Variants in KSR2 observed in about 807,000 individuals in gnomAD.
The protein encoded by KSR2 is kinase suppressor of ras 2.
Under a neutral mutation model 107.8 loss-of-function variants are expected in KSR2, and 25 were observed. The ratio of observed to expected loss-of-function variants is 0.23; its 90% CI spans 0.17 to 0.32. KSR2 has a LOEUF of 0.32. KSR2 is among the 10% of genes least tolerant of loss of function. The pLI, the probability that KSR2 is intolerant of heterozygous loss-of-function variation, is 1.00. For synonymous variants in KSR2, 480 were observed against 507.0 expected (o/e 0.95, Z 0.71); for missense variants, 887 against 1,268.9 (o/e 0.70, Z 4.57).
At chr12:117,570,901 TG>T (rs1374365557) in intron 7 of KSR2, among the ~76,000 whole-genome samples, 1 of 152,198 alleles carries the variant, frequency 6.6e-6, no homozygotes, top group African/African-American at 2.4e-5. Context: ...AGTTGAGTTT[TG>T]TAGAAGCAGA....
intron 5 of KSR2, among the ~76,000 whole-genome samples, chr12:117,630,962 A>G (rs1882778923): frequency 6.6e-6 from 1 of 152,152 alleles, no homozygotes; most frequent in Admixed American, 6.5e-5. Flanking sequence ...GAGCTCTGTG[A>G]GAAGTAAAAA....
chr12:117,801,571 G>C (rs1370872672), intron 3 of KSR2, among the ~76,000 whole-genome samples: 1 of 152,164 alleles, frequency 6.6e-6, no homozygotes, highest in Non-Finnish European at 1.5e-5. Context: ...GGCAAAGAGA[G>C]AGCCAGCACT....
intron 5 of KSR2, among the ~76,000 whole-genome samples, chr12:117,600,168 A>G (rs1200251529): frequency 6.6e-6 from 1 of 152,210 alleles, no homozygotes; most frequent in Non-Finnish European, 1.5e-5. Flanking sequence ...AAAGGAACTC[A>G]GGGCCAGTGC....
intron 1 of KSR2, among the ~76,000 whole-genome samples, chr12:117,915,733 A>AT (rs1895152516): frequency 6.6e-6 from 1 of 152,148 alleles, no homozygotes; most frequent in Admixed American, 6.6e-5. Flanking sequence ...CCTGATTCAG[A>AT]TATCACCTCC....
chr12:117,532,684 A>G (rs961789384), intron 10 of KSR2, among the ~76,000 whole-genome samples: 1 of 152,028 alleles, frequency 6.6e-6, no homozygotes, highest in Non-Finnish European at 1.5e-5. Context: ...TTTTACTTCT[A>G]ATCTACTCGC....
chr12:117,968,332 C>T lies in KSR2; in HGVS notation c.-77G>A, dbSNP rs141240210. The T allele has an allele frequency of 2.2e-4, 306 of 1,419,932 alleles. 3 individuals are homozygous for T. In the East Asian group the frequency reaches 6.9e-3, roughly 32 times the overall value. The allele number at this position is 1,419,932 out of a possible 1,614,324, so 88.0% of individuals were successfully genotyped here. A position where few individuals can be genotyped will look rare whatever the true frequency, so the allele number is the denominator to read the frequency against. On this transcript the variant is annotated 5_prime_UTR_variant, in exon 1 of 20. Coordinates refer to ENST00000339824, the MANE Select transcript of KSR2 (RefSeq NM_173598.6). ...AGGGGGGGGAGTAGAGGTAGTCTAC[C>T]CTCCGCCTCTCCAACCACTGCGACT...
Position 117,761,538 on chromosome 12 carries a change from G to C in KSR2, c.473-14C>G, listed in dbSNP as rs1889023593. ...AAAGGTTGCCTCCTGAGTTGGAACAGAAGAGCAGAGACAATGGGTAAGCCA... is the reference window on the plus strand; with the variant it reads ...AAAGGTTGCCTCCTGAGTTGGAACACAAGAGCAGAGACAATGGGTAAGCCA... On this transcript the variant is annotated splice_polypyrimidine_tract_variant and intron_variant, in intron 3 of 19. Coordinates refer to ENST00000339824, the MANE Select transcript of KSR2 (RefSeq NM_173598.6). 1.9e-6 allele frequency: 3 copies of C among 1,612,778 alleles called. No homozygotes were observed. The highest frequency in any genetic ancestry group is 2.7e-5 in the African/African-American group (2 of 74,870).
chr12:117,693,167 C>T (rs1885902747), intron 4 of KSR2, among the ~76,000 whole-genome samples: 2 of 152,130 alleles, frequency 1.3e-5, no homozygotes, highest in South Asian at 4.1e-4. Flanking sequence ...GTCTTTACCA[C>T]CAACCCACCA....
chr12:117,534,357 C>G (rs1875882233), intron 10 of KSR2, among the ~76,000 whole-genome samples: 1 of 152,124 alleles, frequency 6.6e-6, no homozygotes, highest in South Asian at 2.1e-4. Context: ...GGCACTTGGG[C>G]CCCTTCTTGT....
intron 1 of KSR2, among the ~76,000 whole-genome samples, chr12:117,945,325 A>T (rs1896146980): frequency 6.6e-6 from 1 of 152,220 alleles, no homozygotes; most frequent in African/African-American, 2.4e-5. Context: ...TTAAAAAAGA[A>T]ATATTAAACA....
intron 9 of KSR2, among the ~76,000 whole-genome samples, chr12:117,546,904 G>T (rs185558233): frequency 2.4e-3 from 363 of 152,234 alleles, no homozygotes; most frequent in African/African-American, 8.2e-3. Context: ...TCTCAAGAAC[G>T]TTCATAATTG....
rs1248316680 is a variant in KSR2, at chr12:117,455,449, A to G, written c.*11750T>C. 6.6e-6 allele frequency: 1 copy of G among 152,094 alleles called. No homozygotes were observed. Among genetic ancestry groups the G allele is most frequent in the East Asian group, 1.9e-4 (1 of 5,196 alleles). 9.4% of individuals were successfully genotyped at this position (152,094 alleles called of 1,614,324 possible). A position where few individuals can be genotyped will look rare whatever the true frequency, so the allele number is the denominator to read the frequency against. ...CCTACCATTCTACTCAAATTTCAAG[A>G]CAGGGTTCAGAAGTCTCCTCCTCTG... On this transcript the variant is annotated 3_prime_UTR_variant, in exon 20 of 20. Coordinates refer to ENST00000339824, the MANE Select transcript of KSR2 (RefSeq NM_173598.6).
intron 5 of KSR2, among the ~76,000 whole-genome samples, chr12:117,584,655 A>T (rs941515685): frequency 1.2e-4 from 19 of 152,184 alleles, no homozygotes. Context: ...ACCACATCTC[A>T]TCTTTCCATC....
intron 5 of KSR2, among the ~76,000 whole-genome samples, chr12:117,655,795 C>T (rs1208456674): frequency 1.3e-5 from 2 of 152,172 alleles, no homozygotes; most frequent in South Asian, 2.1e-4. Flanking sequence ...ATGACCCAGA[C>T]TATCAAGATG....
At chr12:117,647,926 C>T (rs563160396) in intron 5 of KSR2, among the ~76,000 whole-genome samples, 35 of 152,138 alleles carry the variant, frequency 2.3e-4, no homozygotes, top group African/African-American at 8.2e-4. Flanking sequence ...CCAGGCTGTT[C>T]TCAAATACCT....
chr12:117,739,892 T>TGG (rs1555233731), intron 4 of KSR2, among the ~76,000 whole-genome samples: 2 of 48,030 alleles, frequency 4.2e-5, no homozygotes, highest in East Asian at 1.8e-3. Context: ...GTGTTACTGT[T>TGG]TTTTTTTTTC....
intron 4 of KSR2, among the ~76,000 whole-genome samples, chr12:117,735,600 T>G (rs1379018912): frequency 6.6e-6 from 1 of 152,160 alleles, no homozygotes; most frequent in Non-Finnish European, 1.5e-5. Flanking sequence ...ATCATGCATT[T>G]AAGATACCAG....
chr12:117,913,612 G>A (rs147946071), intron 1 of KSR2, among the ~76,000 whole-genome samples: 2,258 of 152,264 alleles, frequency 0.015, 21 homozygotes, highest in Non-Finnish European at 0.021. Flanking sequence ...TGAGGACAGA[G>A]GCAGAGATTG....
chr12:117,709,632 C>G (rs1237725339), intron 4 of KSR2, among the ~76,000 whole-genome samples: 1 of 152,188 alleles, frequency 6.6e-6, no homozygotes, highest in Non-Finnish European at 1.5e-5. Flanking sequence ...TCTGTTTTAT[C>G]TACTTCAGTG....
Sources: gnomAD v4.1 joint callset for allele counts (sites outside exome capture counted in the v4.1 genomes callset) on GRCh38, gnomAD v4.1.1 for gene constraint, MANE v1.5 for transcripts, NCBI Gene and HGNC (gene_info 2026-07-23, HGNC 2026-07-21) for gene names.